NOL3: variants seen among roughly 807,000 people sequenced by gnomAD.
The protein encoded by NOL3 is muscle-enriched cytoplasmic protein.
In NOL3, 18 loss-of-function variants were observed where a neutral mutation model predicts 19.2. That is an observed-to-expected ratio of 0.94 (90% CI 0.65 to 1.39). The LOEUF (loss-of-function observed/expected upper bound fraction) is 1.39, where lower values mean the gene tolerates loss of function less well. Ranked by LOEUF, NOL3 falls within the 40% of genes most tolerant of loss-of-function variation. The pLI, the probability that NOL3 is intolerant of heterozygous loss-of-function variation, is 0.00. For missense variants in NOL3, 290 were observed against 289.5 expected, an observed-to-expected ratio of 1.00 and a Z score of -0.01; for synonymous variants, 127 against 137.3, an observed-to-expected ratio of 0.93 and a Z score of 0.52.
At position 67,174,211 on chromosome 16, in the gene NOL3, C is replaced by T. The variant is rs1200908953; in HGVS notation, c.42C>T (p.Arg14=). 3 of 1,612,712 alleles carry T rather than the reference C, an allele frequency of 1.9e-6. No homozygotes were observed. The East Asian group carries it at 6.7e-5, about 36-fold the overall frequency. The change falls in exon 2 of 4, where the codon CGC becomes CGT. Residue 14 remains arginine (R), a synonymous_variant. Coordinates refer to ENST00000268605, the Ensembl canonical transcript of NOL3. ...AGCGGCCGTCAGAGACTATCGACCG[C>T]GAGCGGAAACGCCTGGTCGAGACGC...
chr16:67,174,920 T>G (rs747883767), exon 3 of NOL3: 1 of 1,613,004 alleles, frequency 6.2e-7, no homozygotes, highest in South Asian at 1.1e-5. Context: ...CGAGCCCGAC[T>G]TCGAGGAAAG....
exon 4 of NOL3, chr16:67,175,138 G>A (rs1001641499): frequency 1.2e-6 from 2 of 1,612,860 alleles, no homozygotes; most frequent in Admixed American, 1.7e-5. Flanking sequence ...TGCCACCAAG[G>A]CTCGGTCCAG....
exon 3 of NOL3, chr16:67,174,798 A>G: frequency 6.2e-7 from 1 of 1,606,148 alleles, no homozygotes. Context: ...CCAGAGCTGG[A>G]AGCTGAGGCC....
intron 1 of NOL3, among the ~76,000 whole-genome samples, chr16:67,172,430 G>A (rs2031820426): frequency 6.6e-6 from 1 of 151,854 alleles, no homozygotes; most frequent in African/African-American, 2.4e-5. Context: ...AGCCAACATA[G>A]TGAAACCCCG....
exon 3 of NOL3, chr16:67,174,794 C>G (rs1437080445): frequency 6.2e-7 from 1 of 1,606,286 alleles, no homozygotes; most frequent in African/African-American, 1.3e-5. Context: ...AGAGCCAGAG[C>G]TGGAAGCTGA....
In NOL3 at chr16:67,174,841, G is replaced by A. The variant is rs778526592; in HGVS notation, c.516G>A (p.Glu172=). ...AGGCTGAACCGGAGCCGGAGCCAGA[G>A]CCAGAGCTGGAACCCGAGGCTGAAG... Residue 172 remains glutamate (E), a synonymous_variant, in exon 3 of 4, where the codon GAG becomes GAA. Transcript: ENST00000268605. The A allele has an allele frequency of 1.9e-6, 3 of 1,605,974 alleles. No individual in the cohort carries two copies. In the South Asian group the frequency reaches 3.3e-5, roughly 18 times the overall value.
chr16:67,174,769 G>A (rs1050138344), exon 3 of NOL3: 21 of 1,608,450 alleles, frequency 1.3e-5, no homozygotes, highest in Non-Finnish European at 1.8e-5. Context: ...TGCAATCCGG[G>A]ACCCCGGAGG....
At position 67,175,043 on chromosome 16, in the gene NOL3, C is replaced by A. The variant is rs1177822702; in HGVS notation, c.620-4C>A. ...TCTTTGACCACTGTTCCCGTCATCTCTAGATTCCTGAAGGCCAGAGCTCTG... is the reference window on the plus strand; with the variant it reads ...TCTTTGACCACTGTTCCCGTCATCTATAGATTCCTGAAGGCCAGAGCTCTG... On this transcript the variant is annotated splice_polypyrimidine_tract_variant and splice_region_variant and intron_variant, in intron 3 of 3. Transcript: ENST00000268605. 1 of 1,614,240 alleles carries A rather than the reference C, an allele frequency of 6.2e-7. No homozygotes were observed. The highest frequency in any genetic ancestry group is 1.7e-5 in the Admixed American group (1 of 60,028).
intron 1 of NOL3, chr16:67,173,722 T>A: frequency 1.5e-6 from 1 of 687,080 alleles, no homozygotes; most frequent in Non-Finnish European, 2.4e-6. Context: ...AGTATCAGCA[T>A]CAATCCTAGG....
intron 1 of NOL3, chr16:67,173,888 C>CAGGGG (rs2031926006): frequency 6.5e-6 from 10 of 1,535,666 alleles, no homozygotes; most frequent in Non-Finnish European, 8.7e-6. Context: ...CTGGGAAAGG[C>CAGGGG]AGGGGAGGAG....
At chr16:67,175,415 T>C in exon 4 of NOL3, 2 of 1,062,308 alleles carry the variant, frequency 1.9e-6, no homozygotes, top group Non-Finnish European at 2.3e-6. Context: ...CCATTTCCCC[T>C]GGTGAGCCAC....
In NOL3 at chr16:67,174,159, C is replaced by A. The variant is rs201027181; in HGVS notation, c.-8-3C>A. 57 of 1,605,768 alleles carry A rather than the reference C, an allele frequency of 3.5e-5. No homozygotes were observed. Among genetic ancestry groups the A allele is most frequent in the Non-Finnish European group, 4.2e-5 (49 of 1,175,394 alleles). ...ATTACTTCTCTCCCCTTTCCCCATG[C>A]AGCCCCGACAATGGGCAACGCGCAG... On this transcript the variant is annotated splice_region_variant and splice_polypyrimidine_tract_variant and intron_variant, in intron 1 of 3. Coordinates refer to ENST00000268605, the Ensembl canonical transcript of NOL3.
chr16:67,174,732 C>G, exon 3 of NOL3: 1 of 1,610,706 alleles, frequency 6.2e-7, no homozygotes, highest in Non-Finnish European at 8.5e-7. Flanking sequence ...CCTGACGAGG[C>G]CGGGGGCCCT....
chr16:67,174,420 C>A, exon 2 of NOL3: 2 of 1,525,066 alleles, frequency 1.3e-6, no homozygotes, highest in Non-Finnish European at 1.8e-6. Context: ...CAGCGTACCG[C>A]GGGCGCGCCG....
intron 1 of NOL3, chr16:67,172,071 C>T (rs1416607534): frequency 6.6e-6 from 1 of 152,142 alleles, no homozygotes; most frequent in African/African-American, 2.4e-5. Context: ...ACTAAATCCT[C>T]TCTCCCAGAG....
chr16:67,174,212 G>A (rs1366628291), exon 2 of NOL3: 1 of 1,612,632 alleles, frequency 6.2e-7, no homozygotes, highest in African/African-American at 1.3e-5. Context: ...TATCGACCGC[G>A]AGCGGAAACG....
chr16:67,175,269 C>T, exon 4 of NOL3: 2 of 1,443,902 alleles, frequency 1.4e-6, no homozygotes, highest in Non-Finnish European at 1.8e-6. Context: ...GGGACCTGGG[C>T]AGGCCCAAGC....
chr16:67,173,965 T>C, intron 1 of NOL3, 197 bp from the exon 2 acceptor site: 3 of 1,537,340 alleles, frequency 2.0e-6, no homozygotes, highest in Non-Finnish European at 2.6e-6. Flanking sequence ...ACAGAGCGTC[T>C]GGAGAGGCAG....
exon 3 of NOL3, chr16:67,174,843 C>CAGAGCT: frequency 6.2e-7 from 1 of 1,606,496 alleles, no homozygotes; most frequent in Non-Finnish European, 8.5e-7. Flanking sequence ...GAGCCAGAGC[C>CAGAGCT]AGAGCTGGAA....
Sources: gnomAD v4.1 joint callset for allele counts (sites outside exome capture counted in the v4.1 genomes callset) on GRCh38, gnomAD v4.1.1 for gene constraint, MANE v1.5 for transcripts, NCBI Gene and HGNC (gene_info 2026-07-23, HGNC 2026-07-21) for gene names.